The following GNA12 variants were observed in gnomAD, a reference collection of about 807,000 sequenced individuals.
GNA12 encodes G protein subunit alpha 12, also known as guanine nucleotide-binding protein subunit alpha-12.
Under a neutral mutation model 26.0 loss-of-function variants are expected in GNA12, and 9 were observed. That is an observed-to-expected ratio of 0.35 (90% CI 0.21 to 0.60). The LOEUF (loss-of-function observed/expected upper bound fraction) is 0.60. GNA12 is among the 20% of genes least tolerant of loss of function. The pLI is 0.78. For missense variants in GNA12, 405 were observed against 525.8 expected, an observed-to-expected ratio of 0.77 and a Z score of 2.25; for synonymous variants, 264 against 219.6, an observed-to-expected ratio of 1.20 and a Z score of -1.79.
At position 2,785,120 on chromosome 7, in the gene GNA12, C is replaced by G. The variant is rs79077983; in HGVS notation, c.525+9808G>C. ...AAGGCCAACATCACAGGCAGAAACA[C>G]ATTAAGTTTCTCACCAGTGCAGGAT... On this transcript the variant is annotated intron_variant, in intron 2 of 3. Coordinates refer to ENST00000275364, the MANE Select transcript of GNA12 (RefSeq NM_007353.3). Among the ~76,000 whole-genome samples, 100 of 152,260 alleles carry G rather than the reference C, an allele frequency of 6.6e-4. 1 individual carries two copies. In the East Asian group the frequency reaches 0.014, roughly 21 times the overall value.
intron 1 of GNA12, chr7:2,836,090 A>C (rs532155577): frequency 1.2e-5 from 3 of 245,134 alleles, no homozygotes; most frequent in African/African-American, 7.2e-5. Flanking sequence ...AAAAAAGAAT[A>C]AACTAGAAAG....
intron 1 of GNA12, among the ~76,000 whole-genome samples, chr7:2,824,806 C>T (rs2013926): frequency 0.01 from 1,583 of 152,274 alleles, 12 homozygotes; most frequent in Middle Eastern, 0.071. Flanking sequence ...CTGCTCAAAG[C>T]GTAGCTGAGG....
At chr7:2,824,494 C>A (rs1327412545) in intron 1 of GNA12, among the ~76,000 whole-genome samples, 1 of 152,188 alleles carries the variant, frequency 6.6e-6, no homozygotes, top group Non-Finnish European at 1.5e-5. Context: ...GCCCTGCTTT[C>A]TCCTGCCCCC....
chr7:2,784,722 A>T (rs1461202222), intron 2 of GNA12, among the ~76,000 whole-genome samples: 2 of 152,150 alleles, frequency 1.3e-5, no homozygotes, highest in Admixed American at 6.5e-5. Context: ...CTGGGGATGC[A>T]TCCCTTGTGT....
intron 2 of GNA12, among the ~76,000 whole-genome samples, chr7:2,757,615 G>A (rs1006986071): frequency 5.9e-5 from 9 of 152,210 alleles, no homozygotes; most frequent in African/African-American, 2.2e-4. Flanking sequence ...GGATGCCCAG[G>A]CTGCTGACCC....
Position 2,780,192 on chromosome 7 carries a change from A to G in GNA12, c.525+14736T>C, listed in dbSNP as rs575521352. ...GGGACTTCTTTCCATGTCAACATAG[A>G]GAGTTCTCTCTCAGCTTTTCTAACC... On this transcript the variant is annotated intron_variant, in intron 2 of 3. Coordinates refer to ENST00000275364, the MANE Select transcript of GNA12 (RefSeq NM_007353.3). Among the ~76,000 whole-genome samples, 33 of 150,960 alleles carry G rather than the reference A, an allele frequency of 2.2e-4. No individual in the cohort carries two copies. The South Asian group carries it at 7.0e-3, about 32-fold the overall frequency.
chr7:2,743,798 C>T (rs915441289), intron 2 of GNA12, among the ~76,000 whole-genome samples: 7 of 152,068 alleles, frequency 4.6e-5, no homozygotes, highest in African/African-American at 7.2e-5. Flanking sequence ...ACACATAGCA[C>T]CTGGAAAATT....
chr7:2,791,428 C>T (rs1792515811), intron 2 of GNA12, among the ~76,000 whole-genome samples: 1 of 152,206 alleles, frequency 6.6e-6, no homozygotes, highest in African/African-American at 2.4e-5. Flanking sequence ...GCCCACCCTG[C>T]TCCTCTCAGA....
At chr7:2,800,969 C>A (rs1322188978) in intron 1 of GNA12, among the ~76,000 whole-genome samples, 1 of 152,170 alleles carries the variant, frequency 6.6e-6, no homozygotes, top group Non-Finnish European at 1.5e-5. Flanking sequence ...TTCCTCTTTT[C>A]CCCACTATGC....
intron 1 of GNA12, among the ~76,000 whole-genome samples, chr7:2,809,991 T>C (rs1321309576): frequency 6.6e-6 from 1 of 152,246 alleles, no homozygotes; most frequent in East Asian, 1.9e-4. Context: ...AACAGTCTTC[T>C]AGTATCATTA....
rs201194827 is a variant in GNA12 at position 2,807,250 on chromosome 7, CTTTTATACTGAT to C, written c.310-12119_310-12108del. Among the ~76,000 whole-genome samples the C allele has an allele frequency of 9.1e-3, 1,385 of 152,204 alleles. 16 individuals carry two copies. The highest frequency in any genetic ancestry group is 0.031 in the African/African-American group (1,296 of 41,536). The stretch of plus-strand genomic sequence containing the variant: ...ATTTGGCTTCTCTACTTCAAATAAG[CTTTTATACTGAT>C]TTTTATACTTTATTTTCCTCTAAGT... On this transcript the variant is annotated intron_variant, in intron 1 of 3. Transcript: ENST00000275364.
intron 2 of GNA12, among the ~76,000 whole-genome samples, chr7:2,756,149 T>C (rs1459221656): frequency 6.6e-6 from 1 of 152,062 alleles, no homozygotes; most frequent in Non-Finnish European, 1.5e-5. Flanking sequence ...GGCCCCCACA[T>C]ATATGGCCAA....
intron 1 of GNA12, among the ~76,000 whole-genome samples, chr7:2,823,074 T>A (rs1793405173): frequency 6.6e-6 from 1 of 152,178 alleles, no homozygotes; most frequent in South Asian, 2.1e-4. Flanking sequence ...AGAAAGTAAC[T>A]TTAATTCTCA....
At chr7:2,842,768 G>C (rs1335149239) in intron 1 of GNA12, among the ~76,000 whole-genome samples, 1 of 152,196 alleles carries the variant, frequency 6.6e-6, no homozygotes, top group Non-Finnish European at 1.5e-5. Context: ...CTAATGTTTA[G>C]GTTTGCTAAT....
chr7:2,825,867 C>A (rs1387897891), intron 1 of GNA12, among the ~76,000 whole-genome samples: 1 of 145,884 alleles, frequency 6.9e-6, no homozygotes, highest in Admixed American at 6.6e-5. Context: ...ATTCCCACCA[C>A]CCAGGGGACA....
chr7:2,827,902 AC>A (rs1192353901), intron 1 of GNA12, among the ~76,000 whole-genome samples: 2 of 149,394 alleles, frequency 1.3e-5, no homozygotes, highest in Non-Finnish European at 3.0e-5. Context: ...CATTCTCCCT[AC>A]CCCCGATACT....
chr7:2,831,640 T>C (rs1345841634), intron 1 of GNA12, among the ~76,000 whole-genome samples: 1 of 151,980 alleles, frequency 6.6e-6, no homozygotes, highest in African/African-American at 2.4e-5. Flanking sequence ...CCTGACCTCG[T>C]GATCCGCCCG....
intron 2 of GNA12, chr7:2,762,583 T>C (rs1281257327): frequency 6.7e-7 from 1 of 1,491,484 alleles, no homozygotes; most frequent in African/African-American, 1.4e-5. Context: ...GAAAATTACA[T>C]TTACAAACCC....
At chr7:2,816,392 A>G (rs887480714) in intron 1 of GNA12, among the ~76,000 whole-genome samples, 2 of 152,156 alleles carry the variant, frequency 1.3e-5, no homozygotes, top group African/African-American at 4.8e-5. Context: ...CACTATGCCC[A>G]GCTAATTTTT....
Sources: gnomAD v4.1 joint callset for allele counts (sites outside exome capture counted in the v4.1 genomes callset) on GRCh38, gnomAD v4.1.1 for gene constraint, MANE v1.5 for transcripts, NCBI Gene and HGNC (gene_info 2026-07-23, HGNC 2026-07-21) for gene names.